The following PPIP5K1 variants were observed in gnomAD, a reference collection of about 807,000 sequenced individuals.
The protein encoded by PPIP5K1 is inositol hexakisphosphate and diphosphoinositol-pentakisphosphate kinase 1.
Under a neutral mutation model 27.7 loss-of-function variants are expected in PPIP5K1, and 6 were observed. The observed-to-expected ratio is 0.22, with a 90% CI of 0.12 to 0.43. PPIP5K1 has a LOEUF of 0.43. Ranked by LOEUF, PPIP5K1 falls within the 20% of genes least tolerant of loss-of-function variation. The pLI is 1.00. For synonymous variants in PPIP5K1, 145 were observed against 242.6 expected, an observed-to-expected ratio of 0.60 and a Z score of 3.74; for missense variants, 394 against 635.4, an observed-to-expected ratio of 0.62 and a Z score of 4.08.
intron 30 of PPIP5K1, among the ~76,000 whole-genome samples, chr15:43,545,580 T>C (rs139954055): frequency 6.6e-6 from 1 of 151,650 alleles, no homozygotes. Flanking sequence ...TGGGCTCCAG[T>C]GATCCTTCTG....
In PPIP5K1 at chr15:43,542,355, G is replaced by A. The variant is rs2080852562; in HGVS notation, c.3557-2772C>T. 1.3e-5 allele frequency among the ~76,000 whole-genome samples: 2 copies of A among 150,932 alleles called. 1 individual carries two copies. The highest frequency in any genetic ancestry group is 4.2e-4 in the South Asian group (2 of 4,778). On this transcript the variant is annotated intron_variant, in intron 30 of 31. Transcript: ENST00000420765. ...CACCCATGCTAGAGTGCTGTGGTAC[G>A]ATCACAGCTCACTGCAGCCTCAAAC...
intron 30 of PPIP5K1, among the ~76,000 whole-genome samples, chr15:43,544,763 T>C (rs2081161914): frequency 6.6e-6 from 1 of 152,170 alleles, no homozygotes; most frequent in South Asian, 2.1e-4. Context: ...TCTCCAGGCA[T>C]GATCATACCA....
chr15:43,547,847 C>G (rs2081567338), intron 30 of PPIP5K1, among the ~76,000 whole-genome samples: 1 of 152,148 alleles, frequency 6.6e-6, no homozygotes, highest in Non-Finnish European at 1.5e-5. Context: ...TTACAGTTCC[C>G]TATGAATTAG....
At chr15:43,550,969 A>G (rs2082115076) in intron 30 of PPIP5K1, among the ~76,000 whole-genome samples, 1 of 152,078 alleles carries the variant, frequency 6.6e-6, no homozygotes, top group Admixed American at 6.6e-5. Context: ...CCTGGTGTAT[A>G]ATTCTTTTAT....
In PPIP5K1 at chr15:43,534,666, C is replaced by A; in HGVS notation, c.*8G>T. 6.6e-7 allele frequency: 1 copy of A among 1,519,668 alleles called. No individual in the cohort carries two copies. Among genetic ancestry groups the A allele is most frequent in the South Asian group, 1.3e-5 (1 of 74,354 alleles). 94.1% of individuals were successfully genotyped at this position (1,519,668 alleles called of 1,614,324 possible). A position where few individuals can be genotyped will look rare whatever the true frequency, so the allele number is the denominator to read the frequency against. On this transcript the variant is annotated 3_prime_UTR_variant, in exon 32 of 32. Transcript: ENST00000420765. ...CTGATCAATCACTTCAGGGACCACC[C>A]AGGACTTCTAATTTATCTCCTCAGG... is the stretch of plus-strand genomic sequence containing the variant.
chr15:43,558,769 G>A (rs1355405579), intron 30 of PPIP5K1, 26 bp downstream of exon 30: 3 of 1,612,052 alleles, frequency 1.9e-6, no homozygotes, highest in Non-Finnish European at 1.7e-6. Flanking sequence ...GCAGAGAGAA[G>A]GGTAAAAAAA....
rs1470805370 is a variant in PPIP5K1 at position 43,535,412 on chromosome 15, A to C, written c.3735T>G (p.Gly1245=). 2 of 1,613,680 alleles carry C rather than the reference A, an allele frequency of 1.2e-6. No individual in the cohort carries two copies. The highest frequency in any genetic ancestry group is 1.7e-6 in the Non-Finnish European group (2 of 1,179,800). ...AGPSSPTTVD[G]NSQFGFSDQP... is the part of the protein sequence containing the mutation. The stretch of plus-strand genomic sequence containing the variant: ...GATCACTGAAGCCAAATTGGGAGTT[A>C]CCATCTACTGTAGTAGGGGAAGAAG... Residue 1245 remains glycine (G), a synonymous_variant, in exon 32 of 32, where the codon GGT becomes GGG. Transcript: ENST00000420765.
chr15:43,546,342 G>T (rs531210542), intron 30 of PPIP5K1, among the ~76,000 whole-genome samples: 2 of 152,276 alleles, frequency 1.3e-5, no homozygotes, highest in South Asian at 4.1e-4. Context: ...TTTCATCAAG[G>T]CTGAAGTGCA....
intron 31 of PPIP5K1, among the ~76,000 whole-genome samples, chr15:43,535,774 TC>T (rs2079765575): frequency 6.6e-6 from 1 of 152,190 alleles, no homozygotes; most frequent in African/African-American, 2.4e-5. Context: ...AATTCCAAGT[TC>T]CCAAGGCCTC....
Position 43,535,466 on chromosome 15 carries a change from G to A in PPIP5K1, c.3681C>T (p.Gly1227=). Residue 1227 remains glycine, a synonymous_variant, in exon 32 of 32, where the codon GGC becomes GGT. Transcript: ENST00000420765. ...CAGCACTGGACACAGTGCTAGAAGG[G>A]CCACTGCTGTCTGTAAAGCAAAGTC... is the stretch of plus-strand genomic sequence containing the variant. ...RSEKPPWYSS[G]PSSTVSSAGP... is the part of the protein sequence containing the mutation. 6.4e-7 allele frequency: 1 copy of A among 1,569,300 alleles called. No individual in the cohort carries two copies.
In PPIP5K1 at chr15:43,539,373, G is replaced by T. The variant is rs968102115; in HGVS notation, c.3670+97C>A. The T allele has an allele frequency of 2.3e-5, 20 of 885,424 alleles. No homozygotes were observed. The Admixed American group carries it at 3.8e-4, about 17-fold the overall frequency. The allele number at this position is 885,424 out of a possible 1,614,324, so 54.8% of individuals were successfully genotyped here. A position where few individuals can be genotyped will look rare whatever the true frequency, so the allele number is the denominator to read the frequency against. On this transcript the variant is annotated intron_variant, in intron 31 of 31. Transcript: ENST00000420765. Reference sequence around the variant, plus strand: ...AGAATGGATATTCCTGGTCTTTCAAGCCCCACCTTCTTTGACCTCATGCAA... The same window carrying T: ...AGAATGGATATTCCTGGTCTTTCAATCCCCACCTTCTTTGACCTCATGCAA...
At chr15:43,559,023 C>G in intron 29 of PPIP5K1, 91 bp from the exon 30 acceptor site, 1 of 1,514,274 alleles carries the variant, frequency 6.6e-7, no homozygotes, top group Non-Finnish European at 9.0e-7. Flanking sequence ...TGAGAGCCAT[C>G]AGGAGAGTCC....
intron 30 of PPIP5K1, among the ~76,000 whole-genome samples, chr15:43,550,501 C>T (rs1417517011): frequency 2.0e-5 from 3 of 152,096 alleles, no homozygotes; most frequent in Non-Finnish European, 4.4e-5. Flanking sequence ...CTTTAATAGC[C>T]GCTTTTTTAT....
At chr15:43,551,606 G>GTTTTTTTTTGTTT (rs2082202023) in intron 30 of PPIP5K1, among the ~76,000 whole-genome samples, 1 of 105,462 alleles carries the variant, frequency 9.5e-6, no homozygotes, top group South Asian at 3.3e-4. Flanking sequence ...TCTTGATTCA[G>GTTTTTTTTTGTTT]TTTTTTTTTT....
Position 43,558,835 on chromosome 15 carries a change from G to C in PPIP5K1, c.3516C>G (p.Val1172=). ...CCTGGGCATCAGTGTGGCGCTGGCA[G>C]ACTCTACTCAAGAATTCACTCACTT... The part of the protein sequence containing the change: ...LRQVSEFLSR[V]CQRHTDAQAQ... Residue 1172 remains valine (V), a synonymous_variant, in exon 30 of 32, where the codon GTC becomes GTG. Transcript: ENST00000420765. 1.2e-6 allele frequency: 2 copies of C among 1,614,116 alleles called. No homozygotes were observed. Among genetic ancestry groups the C allele is most frequent in the South Asian group, 2.2e-5 (2 of 91,084 alleles).
intron 31 of PPIP5K1, chr15:43,536,388 C>T (rs965046810): frequency 1.1e-5 from 2 of 179,712 alleles, no homozygotes; most frequent in African/African-American, 4.9e-5. Flanking sequence ...CACTATACTC[C>T]AGCCTGGGCA....
intron 30 of PPIP5K1, among the ~76,000 whole-genome samples, chr15:43,546,792 G>T (rs1327023085): frequency 6.6e-6 from 1 of 151,610 alleles, no homozygotes; most frequent in Admixed American, 6.6e-5. Context: ...GAGTAGCTGG[G>T]ACTACAGGTG....
chr15:43,560,534 T>TGTACAGTCAG lies in PPIP5K1; in HGVS notation c.3287_3296dup (p.Gly1100Ter). ...CATCCAAGGAGACTGGCCGGCCCCCTGTACAGTCAGAGGAAAAACTGCGCA... is the reference window on the plus strand; with the variant it reads ...CATCCAAGGAGACTGGCCGGCCCCCTGTACAGTCAGGTACAGTCAGAGGAAAAACTGCGCA... On this transcript the variant is annotated stop_gained and frameshift_variant, in exon 29 of 32. Coordinates refer to ENST00000420765, the MANE Select transcript of PPIP5K1 (RefSeq NM_001394395.1). LOFTEE classifies it high-confidence loss of function. 1 of 1,191,986 alleles carries TGTACAGTCAG rather than the reference T, an allele frequency of 8.4e-7. No individual in the cohort carries two copies. Among genetic ancestry groups the TGTACAGTCAG allele is most frequent in the Non-Finnish European group, 1.1e-6 (1 of 892,620 alleles). The allele number at this position is 1,191,986 out of a possible 1,614,324, so 73.8% of individuals were successfully genotyped here. A position where few individuals can be genotyped will look rare whatever the true frequency, so the allele number is the denominator to read the frequency against.
In PPIP5K1 at chr15:43,534,848, A is replaced by G; in HGVS notation, c.4299T>C (p.Pro1433=). The G allele has an allele frequency of 6.2e-7, 1 of 1,613,298 alleles. No homozygotes were observed. Among genetic ancestry groups the G allele is most frequent in the Non-Finnish European group, 8.5e-7 (1 of 1,179,594 alleles). The change falls in exon 32 of 32, where the codon CCT becomes CCC. Residue 1433 remains proline (P), a synonymous_variant. Coordinates refer to ENST00000420765, the MANE Select transcript of PPIP5K1 (RefSeq NM_001394395.1). The part of the protein sequence containing the change: ...VEVGSPAEEI[P]EEVIQPYQEF... Reference sequence around the variant, plus strand: ...CCTGGTATGGCTGGATGACCTCCTCAGGGATCTCTTCAGCTGGGCTGCCAA... The same window carrying G: ...CCTGGTATGGCTGGATGACCTCCTCGGGGATCTCTTCAGCTGGGCTGCCAA...
Sources: allele counts gnomAD v4.1 joint callset (sites outside exome capture counted in the v4.1 genomes callset), GRCh38; gene constraint gnomAD v4.1.1; transcripts MANE v1.5; gene names NCBI Gene and HGNC (gene_info 2026-07-23, HGNC 2026-07-21).